ADAM9: variants seen among roughly 807,000 people sequenced by gnomAD.
ADAM9 encodes the protein ADAM metallopeptidase domain 9.
A neutral mutation model predicts 108.1 loss-of-function variants in ADAM9; 54 were observed. The ratio of observed to expected loss-of-function variants is 0.50; its 90% CI spans 0.40 to 0.63. The LOEUF is 0.63. Ranked by LOEUF, ADAM9 falls within the 20% of genes least tolerant of loss-of-function variation. ADAM9 has a pLI of 0.00. For missense variants in ADAM9, 830 were observed against 997.7 expected (o/e 0.83, Z 2.26); for synonymous variants, 316 against 336.0 (o/e 0.94, Z 0.65).
At chr8:39,013,327 A>C (rs1252374212) in intron 3 of ADAM9, among the ~76,000 whole-genome samples, 1 of 152,160 alleles carries the variant, frequency 6.6e-6, no homozygotes, top group Non-Finnish European at 1.5e-5. Flanking sequence ...CCCAGTTTTT[A>C]CTTTTCCTGT....
chr8:39,057,433 GAT>G (rs1018818765), intron 14 of ADAM9, among the ~76,000 whole-genome samples: 236 of 151,340 alleles, frequency 1.6e-3, no homozygotes, highest in African/African-American at 5.6e-3. Context: ...GGAGGAATCT[GAT>G]ATATTAGATT....
intron 2 of ADAM9, among the ~76,000 whole-genome samples, chr8:39,008,366 G>A (rs6474517): frequency 0.42 from 64,156 of 151,842 alleles, 14,369 homozygotes; most frequent in East Asian, 0.73. Flanking sequence ...TAGAGACAGG[G>A]TTTCACCATG....
intron 20 of ADAM9, among the ~76,000 whole-genome samples, chr8:39,091,813 C>T (rs545877884): frequency 3.9e-5 from 6 of 152,230 alleles, no homozygotes; most frequent in South Asian, 2.1e-4. Context: ...GGAAAACCAG[C>T]GGAGTCCTTG....
chr8:39,045,347 TGTGTACATACATATAG>T (rs1169520255), intron 12 of ADAM9, among the ~76,000 whole-genome samples: 3 of 137,116 alleles, frequency 2.2e-5, no homozygotes, highest in African/African-American at 8.2e-5. Context: ...CCTATACATG[TGTGTACATACATATAG>T]GTGTGTGTAC....
At chr8:39,030,052 C>T (rs1268030770) in intron 11 of ADAM9, among the ~76,000 whole-genome samples, 3 of 152,096 alleles carry the variant, frequency 2.0e-5, no homozygotes, top group Admixed American at 6.6e-5. Context: ...TTTCAATATC[C>T]CTCAACAGAG....
chr8:39,059,182 G>C (rs1366890550), intron 14 of ADAM9, among the ~76,000 whole-genome samples: 1 of 152,334 alleles, frequency 6.6e-6, no homozygotes, highest in East Asian at 1.9e-4. Flanking sequence ...GAGGAATTCT[G>C]TATGTCCACA....
rs1564302100 is a variant in ADAM9 at position 39,045,465 on chromosome 8, T to TGTGTGTACACACACCTATATGTGC, written c.1302+3356_1302+3379dup. Reference sequence around the variant, plus strand: ...GTGTGTACACACACCTATATGTGCGTGTGTGTACACACACCTATATGTGCG... The same window carrying TGTGTGTACACACACCTATATGTGC: ...GTGTGTACACACACCTATATGTGCGTGTGTGTACACACACCTATATGTGCGTGTGTACACACACCTATATGTGCG... On this transcript the variant is annotated intron_variant, in intron 12 of 21. Coordinates refer to ENST00000487273, the MANE Select transcript of ADAM9 (RefSeq NM_003816.3). 8.8e-4 allele frequency among the ~76,000 whole-genome samples: 126 copies of TGTGTGTACACACACCTATATGTGC among 143,690 alleles called. 8 individuals are homozygous for TGTGTGTACACACACCTATATGTGC. Among genetic ancestry groups the TGTGTGTACACACACCTATATGTGC allele is most frequent in the African/African-American group, 3.1e-3 (117 of 37,556 alleles). 94.3% of individuals were successfully genotyped at this position (143,690 alleles called of 152,430 possible).
chr8:39,060,788 T>G (rs774272345), intron 14 of ADAM9, among the ~76,000 whole-genome samples: 1 of 152,188 alleles, frequency 6.6e-6, no homozygotes, highest in Admixed American at 6.5e-5. Context: ...AAAACTAAAT[T>G]ATGACATGGG....
At chr8:39,002,975 T>A (rs1369502869) in intron 1 of ADAM9, among the ~76,000 whole-genome samples, 1 of 151,724 alleles carries the variant, frequency 6.6e-6, no homozygotes, top group Non-Finnish European at 1.5e-5. Flanking sequence ...CCATCCTGGC[T>A]CAAGTGGTCT....
chr8:39,021,387 G>A (rs1054086835), intron 7 of ADAM9, among the ~76,000 whole-genome samples: 11 of 152,070 alleles, frequency 7.2e-5, no homozygotes, highest in Non-Finnish European at 1.5e-4. Context: ...GGGTTCAAGC[G>A]ATTCTCCTGC....
chr8:39,000,624 G>T (rs1443988176), intron 1 of ADAM9, among the ~76,000 whole-genome samples: 1 of 151,696 alleles, frequency 6.6e-6, no homozygotes, highest in Non-Finnish European at 1.5e-5. Flanking sequence ...ACCATGCTTG[G>T]CTAATTAAAA....
rs566252830 is a variant in ADAM9 at position 39,029,229 on chromosome 8, T to A, written c.1130+2419T>A. Among the ~76,000 whole-genome samples the A allele has an allele frequency of 4.0e-3, 592 of 149,210 alleles. 3 individuals are homozygous for A. Among genetic ancestry groups the A allele is most frequent in the Non-Finnish European group, 5.9e-3 (400 of 67,546 alleles). On this transcript the variant is annotated intron_variant, in intron 11 of 21. Coordinates refer to ENST00000487273, the MANE Select transcript of ADAM9 (RefSeq NM_003816.3). Reference sequence around the variant, plus strand: ...CTGTTCATTACTGGATCTTGGAGAGTCTCTGTAGCCACAGGGGAGACTGAC... The same window carrying A: ...CTGTTCATTACTGGATCTTGGAGAGACTCTGTAGCCACAGGGGAGACTGAC...
At chr8:39,011,994 G>A (rs1415151547) in intron 3 of ADAM9, among the ~76,000 whole-genome samples, 4 of 152,194 alleles carry the variant, frequency 2.6e-5, no homozygotes, top group African/African-American at 9.7e-5. Context: ...TGGGGAGAAG[G>A]GGAGCCTGCA....
chr8:39,050,491 C>A (rs1176916600), intron 12 of ADAM9, among the ~76,000 whole-genome samples: 2 of 151,470 alleles, frequency 1.3e-5, no homozygotes, highest in South Asian at 2.1e-4. Context: ...TAAGGTAACC[C>A]GACTTTGAGT....
intron 20 of ADAM9, among the ~76,000 whole-genome samples, chr8:39,100,791 T>C (rs575454627): frequency 1.3e-5 from 2 of 152,354 alleles, no homozygotes; most frequent in Non-Finnish European, 2.9e-5. Flanking sequence ...TAACAGTAGA[T>C]AGTAAAGAAC....
At chr8:38,997,393 C>A (rs969604637) in intron 1 of ADAM9, among the ~76,000 whole-genome samples, 8 of 152,142 alleles carry the variant, frequency 5.3e-5, no homozygotes, top group Non-Finnish European at 1.2e-4. Context: ...TCCTCCGTGT[C>A]CTGTTCGATG....
chr8:39,013,861 T>A, intron 3 of ADAM9, 104 bp from the exon 4 acceptor site: 3 of 904,066 alleles, frequency 3.3e-6, no homozygotes, highest in Non-Finnish European at 5.4e-6. Flanking sequence ...GTGAAAGTTC[T>A]TATTTACTCC....
intron 11 of ADAM9, among the ~76,000 whole-genome samples, chr8:39,029,386 G>T (rs965351850): frequency 2.6e-5 from 4 of 152,124 alleles, no homozygotes; most frequent in Non-Finnish European, 5.9e-5. Flanking sequence ...AGGGTTCCAG[G>T]TGAATTATTC....
At chr8:39,084,126 A>G (rs185845861) in intron 18 of ADAM9, among the ~76,000 whole-genome samples, 13 of 152,218 alleles carry the variant, frequency 8.5e-5, no homozygotes, top group African/African-American at 3.1e-4. Context: ...CCATCTACAT[A>G]TCTTCTTTGG....
Sources: allele counts gnomAD v4.1 joint callset (sites outside exome capture counted in the v4.1 genomes callset), GRCh38; gene constraint gnomAD v4.1.1; transcripts MANE v1.5; gene names NCBI Gene and HGNC (gene_info 2026-07-23, HGNC 2026-07-21).